The following ASB4 variants were observed in gnomAD, a reference collection of about 807,000 sequenced individuals.
ASB4 encodes the protein ankyrin repeat and SOCS box containing 4, also known as ankyrin repeat and SOCS box protein 4.
A neutral mutation model predicts 38.6 loss-of-function variants in ASB4; 35 were observed. The ratio of observed to expected loss-of-function variants is 0.91; its 90% confidence interval spans 0.69 to 1.20. The LOEUF is 1.20. Among genes scored for constraint, ASB4 ranks in the 50% most tolerant of loss-of-function variants. The probability of loss-of-function intolerance (pLI) is 0.00; values close to 1 mark genes in which losing one functional copy is unlikely to be tolerated. For missense variants in ASB4, 557 were observed against 527.2 expected, an observed-to-expected ratio of 1.06 and a Z score of -0.55; for synonymous variants, 195 against 201.3, an observed-to-expected ratio of 0.97 and a Z score of 0.26.
chr7:95,472,272 T>C, the ASB4 span, among the ~76,000 whole-genome samples: 4 of 152,144 alleles, frequency 2.6e-5, no homozygotes, highest in South Asian at 2.1e-4. Context: ...CAATGACACA[T>C]AGAATCTGGG....
chr7:95,494,157 C>T (rs947853031), intron 1 of ASB4, among the ~76,000 whole-genome samples: 2 of 152,122 alleles, frequency 1.3e-5, no homozygotes, highest in Admixed American at 6.5e-5. Context: ...TAGTGTTTTT[C>T]ACTTAAATGA....
intron 1 of ASB4, among the ~76,000 whole-genome samples, chr7:95,495,483 G>C (rs1056263827): frequency 6.6e-6 from 1 of 152,078 alleles, no homozygotes; most frequent in Admixed American, 6.5e-5. Flanking sequence ...ACCTAGAAAG[G>C]TAAAGTAAAT....
At chr7:95,515,333 CT>C (rs1234968806) in intron 2 of ASB4, among the ~76,000 whole-genome samples, 120 of 126,678 alleles carry the variant, frequency 9.5e-4, no homozygotes, top group African/African-American at 3.4e-3. Flanking sequence ...TCCTTCCTTC[CT>C]TTCTTTCTTT....
intron 2 of ASB4, among the ~76,000 whole-genome samples, chr7:95,515,239 C>CTT (rs1562817091): frequency 1.6e-4 from 18 of 116,092 alleles, no homozygotes; most frequent in Non-Finnish European, 2.8e-4. Flanking sequence ...CTTTTTCTTT[C>CTT]TTTCTTTCTT....
Position 95,529,781 on chromosome 7 carries a change from G to T in ASB4, c.978+1478G>T, listed in dbSNP as rs181668378. On this transcript the variant is annotated intron_variant, in intron 3 of 4. Coordinates refer to ENST00000325885, the MANE Select transcript of ASB4 (RefSeq NM_016116.3). ...TTGAGCTCTAAATAGGTTTTATACAGACTATTTCATTTTATTTTTATAATG... is the reference window on the plus strand; with the variant it reads ...TTGAGCTCTAAATAGGTTTTATACATACTATTTCATTTTATTTTTATAATG... Among the ~76,000 whole-genome samples, 185 of 152,190 alleles carry T rather than the reference G, an allele frequency of 1.2e-3. 2 individuals carry two copies. Among genetic ancestry groups the T allele is most frequent in the Non-Finnish European group, 4.3e-4 (29 of 68,010 alleles).
chr7:95,504,828 T>C (rs981432999), intron 2 of ASB4, among the ~76,000 whole-genome samples: 3 of 152,188 alleles, frequency 2.0e-5, no homozygotes, highest in Non-Finnish European at 4.4e-5. Flanking sequence ...TCACTGCTTT[T>C]TCCAGAAGAC....
Position 95,534,753 on chromosome 7 carries a change from C to T in ASB4, c.979-1684C>T, listed in dbSNP as rs138935175. ...AATTATTTGTGTCTTTTCTCTTCAA[C>T]TAGGTTGTAAACTGCTTAAAGACAA... On this transcript the variant is annotated intron_variant, in intron 3 of 4. Transcript: ENST00000325885. 2.0e-3 allele frequency among the ~76,000 whole-genome samples: 297 copies of T among 152,282 alleles called. 4 individuals carry two copies. The highest frequency in any genetic ancestry group is 6.9e-3 in the African/African-American group (287 of 41,552).
chr7:95,503,499 G>C lies in ASB4; in HGVS notation c.487+7442G>C, dbSNP rs542455489. Among the ~76,000 whole-genome samples, 12 of 152,290 alleles carry C rather than the reference G, an allele frequency of 7.9e-5. No individual in the cohort carries two copies. The South Asian group carries it at 1.2e-3, about 16-fold the overall frequency. On this transcript the variant is annotated intron_variant, in intron 2 of 4. Coordinates refer to ENST00000325885, the MANE Select transcript of ASB4 (RefSeq NM_016116.3). ...CTGAGTGCATGGATGGGGACCCACT[G>C]CCACCTAATAAATGAAAACTGTGTG...
At chr7:95,550,803 T>C in the ASB4 span, among the ~76,000 whole-genome samples, 2 of 152,178 alleles carry the variant, frequency 1.3e-5, no homozygotes, top group Non-Finnish European at 2.9e-5. Flanking sequence ...AAAGGTTACT[T>C]GAAATTCAGC....
chr7:95,476,150 A>G (rs1258420151), upstream of ASB4, among the ~76,000 whole-genome samples: 2 of 152,106 alleles, frequency 1.3e-5, no homozygotes, highest in Non-Finnish European at 2.9e-5. Context: ...TTCGTCTATA[A>G]GTTCTTGAGA....
upstream of ASB4, among the ~76,000 whole-genome samples, chr7:95,481,554 A>T (rs1210092110): frequency 6.6e-6 from 1 of 152,218 alleles, no homozygotes; most frequent in Non-Finnish European, 1.5e-5. Flanking sequence ...TTCCAATTCT[A>T]GCTGGCTTCA....
At chr7:95,512,011 G>A (rs1366226484) in intron 2 of ASB4, among the ~76,000 whole-genome samples, 1 of 152,148 alleles carries the variant, frequency 6.6e-6, no homozygotes, top group Non-Finnish European at 1.5e-5. Context: ...GTATATGTCA[G>A]TCAGCAAACC....
chr7:95,519,966 A>G (rs1790637571), intron 2 of ASB4, among the ~76,000 whole-genome samples: 1 of 152,206 alleles, frequency 6.6e-6, no homozygotes, highest in African/African-American at 2.4e-5. Flanking sequence ...ACAATGTTTC[A>G]AAACAGAGTA....
At chr7:95,535,122 C>T (rs897319032) in intron 3 of ASB4, among the ~76,000 whole-genome samples, 5 of 152,148 alleles carry the variant, frequency 3.3e-5, no homozygotes, top group African/African-American at 1.2e-4. Flanking sequence ...AGATCATAAC[C>T]TTTCTGTCTC....
chr7:95,517,363 A>G (rs1480251172), intron 2 of ASB4, among the ~76,000 whole-genome samples: 1 of 152,100 alleles, frequency 6.6e-6, no homozygotes, highest in African/African-American at 2.4e-5. Context: ...TGTATTCTAG[A>G]CACGAGTCTT....
intron 2 of ASB4, among the ~76,000 whole-genome samples, chr7:95,501,064 T>C (rs1265888913): frequency 6.6e-6 from 1 of 152,186 alleles, no homozygotes; most frequent in African/African-American, 2.4e-5. Context: ...ACATGCAAGC[T>C]TTTTATTTTT....
chr7:95,510,643 A>G (rs1562815549), intron 2 of ASB4, among the ~76,000 whole-genome samples: 1 of 152,198 alleles, frequency 6.6e-6, no homozygotes, highest in East Asian at 1.9e-4. Flanking sequence ...TGGGTTGCTT[A>G]CTGCAGCCAG....
chr7:95,472,913 A>G, the ASB4 span, among the ~76,000 whole-genome samples: 1 of 152,186 alleles, frequency 6.6e-6, no homozygotes, highest in South Asian at 2.1e-4. Context: ...ACTTGTAGAG[A>G]AAAATCAAAC....
intron 2 of ASB4, among the ~76,000 whole-genome samples, chr7:95,507,053 T>C (rs1330816880): frequency 1.3e-5 from 2 of 152,142 alleles, no homozygotes; most frequent in Non-Finnish European, 2.9e-5. Flanking sequence ...TCAGATGTCT[T>C]ATAATCCTTG....
Sources: gnomAD v4.1 joint callset for allele counts (sites outside exome capture counted in the v4.1 genomes callset) on GRCh38, gnomAD v4.1.1 for gene constraint, MANE v1.5 for transcripts, NCBI Gene and HGNC (gene_info 2026-07-23, HGNC 2026-07-21) for gene names.